GPR161: variants seen among roughly 807,000 people sequenced by gnomAD.
GPR161 encodes G-protein coupled receptor RE2.
Under a neutral mutation model 39.2 loss-of-function variants are expected in GPR161, and 25 were observed. The observed-to-expected ratio is 0.64, with a 90% CI of 0.47 to 0.89. The LOEUF is 0.89. GPR161 is among the 40% of genes least tolerant of loss of function. The pLI is 0.00. For synonymous variants in GPR161, 286 were observed against 276.6 expected (o/e 1.03, Z -0.34); for missense variants, 547 against 677.8 (o/e 0.81, Z 2.14).
chr1:168,107,389 C>A (rs1360336955), intron 1 of GPR161, among the ~76,000 whole-genome samples: 1 of 152,130 alleles, frequency 6.6e-6, no homozygotes, highest in Non-Finnish European at 1.5e-5. Context: ...GCTCTGCTCT[C>A]GTGAATGGAA....
At chr1:168,130,630 C>T (rs1698916211) in intron 1 of GPR161, among the ~76,000 whole-genome samples, 1 of 152,060 alleles carries the variant, frequency 6.6e-6, no homozygotes, top group South Asian at 2.1e-4. Context: ...TATCTGATAC[C>T]TCTTCTCTCT....
chr1:168,091,999 G>T (rs1695110876), intron 3 of GPR161, among the ~76,000 whole-genome samples: 2 of 152,196 alleles, frequency 1.3e-5, no homozygotes, highest in South Asian at 4.1e-4. Context: ...GCAATAGAAT[G>T]CACTTTCTCC....
intron 4 of GPR161, 114 bp downstream of exon 4, chr1:168,090,450 G>A (rs919068935): frequency 4.4e-5 from 25 of 573,020 alleles, no homozygotes; most frequent in Non-Finnish European, 6.3e-5. Flanking sequence ...CCCACCCACC[G>A]TGGGAAATGC....
intron 1 of GPR161, among the ~76,000 whole-genome samples, chr1:168,110,955 C>G (rs1231816879): frequency 6.7e-6 from 1 of 149,356 alleles, no homozygotes; most frequent in Non-Finnish European, 1.5e-5. Context: ...GAACTAGAAA[C>G]CACAATGAAA....
At chr1:168,128,493 C>A (rs1257628913) in intron 1 of GPR161, among the ~76,000 whole-genome samples, 3 of 152,002 alleles carry the variant, frequency 2.0e-5, no homozygotes, top group Non-Finnish European at 4.4e-5. Flanking sequence ...TTGAGAAAAC[C>A]TGCTCTACAC....
chr1:168,094,064 C>T (rs1402625188), intron 3 of GPR161, among the ~76,000 whole-genome samples: 2 of 152,182 alleles, frequency 1.3e-5, no homozygotes, highest in East Asian at 3.8e-4. Flanking sequence ...CACCAGCTGC[C>T]TGGGATGTGC....
intron 1 of GPR161, among the ~76,000 whole-genome samples, chr1:168,105,151 G>A (rs374084510): frequency 1.1e-4 from 17 of 152,318 alleles, no homozygotes; most frequent in African/African-American, 3.1e-4. Flanking sequence ...CCCAAGACCA[G>A]TGGTTCAAAA....
At chr1:168,136,704 C>T in intron 1 of GPR161, 35 bp downstream of exon 1, 2 of 1,058,334 alleles carry the variant, frequency 1.9e-6, no homozygotes, top group Non-Finnish European at 2.3e-6. Context: ...CCTCTCCGCC[C>T]GGGCCCGCGC....
chr1:168,123,201 T>A lies in GPR161; in HGVS notation c.-45+13538A>T, dbSNP rs1192465439. ...TGACTCATGCCTATAATCCCAACAC[T>A]TTGGGAGGCCAAGGCAGGAAAATTG... On this transcript the variant is annotated intron_variant, in intron 1 of 5. Transcript: ENST00000682931. 2.0e-5 allele frequency among the ~76,000 whole-genome samples: 3 copies of A among 152,146 alleles called. No individual in the cohort carries two copies. The East Asian group carries it at 5.8e-4, about 29-fold the overall frequency.
At chr1:168,136,619 C>G (rs1699398101) in intron 1 of GPR161, 120 bp downstream of exon 1, 4 of 1,225,768 alleles carry the variant, frequency 3.3e-6, no homozygotes, top group East Asian at 3.2e-5. Flanking sequence ...GCCGTGGGGG[C>G]GGGGACCCTT....
chr1:168,136,015 A>G (rs746167079), intron 1 of GPR161: 15 of 1,228,352 alleles, frequency 1.2e-5, no homozygotes, highest in Non-Finnish European at 1.5e-5. Context: ...CTTACCCAAC[A>G]GACGTTCTCA....
chr1:168,080,496 T>G lies in GPR161; in HGVS notation c.*5035A>C, dbSNP rs1322305890. On this transcript the variant is annotated 3_prime_UTR_variant, in exon 6 of 6. Transcript: ENST00000682931. ...ATATGGCTAATCACAGCCATTCTCCTTTGCCTACAGTGAAGACGGTAATTT... is the reference window on the plus strand; with the variant it reads ...ATATGGCTAATCACAGCCATTCTCCGTTGCCTACAGTGAAGACGGTAATTT... 1 of 152,298 alleles carries G rather than the reference T, an allele frequency of 6.6e-6. No individual in the cohort carries two copies. Among genetic ancestry groups the G allele is most frequent in the Non-Finnish European group, 1.5e-5 (1 of 68,114 alleles). The allele number at this position is 152,298 out of a possible 1,614,324, so 9.4% of individuals were successfully genotyped here.
At chr1:168,114,240 T>C (rs1697443415) in intron 1 of GPR161, among the ~76,000 whole-genome samples, 2 of 152,296 alleles carry the variant, frequency 1.3e-5, no homozygotes, top group African/African-American at 2.4e-5. Flanking sequence ...CCTGATCATA[T>C]TGCTGTTGCT....
intron 1 of GPR161, among the ~76,000 whole-genome samples, chr1:168,105,130 CTA>C (rs1363207984): frequency 6.6e-6 from 1 of 152,156 alleles, no homozygotes; most frequent in African/African-American, 2.4e-5. Flanking sequence ...CTAACCCATC[CTA>C]TCCATTTTCC....
In GPR161 at chr1:168,085,380, G is replaced by A; in HGVS notation, c.*151C>T. The A allele has an allele frequency of 1.5e-6, 1 of 680,282 alleles. No homozygotes were observed. The allele number at this position is 680,282 out of a possible 1,614,324, so 42.1% of individuals were successfully genotyped here. The stretch of plus-strand genomic sequence containing the variant: ...ACTGTAGACATTATTTTCAGTCCTT[G>A]TCCTGGTGGCTGCATACCAGATGCT... On this transcript the variant is annotated 3_prime_UTR_variant, in exon 6 of 6. Coordinates refer to ENST00000682931, the MANE Select transcript of GPR161 (RefSeq NM_001375883.1).
rs1310228062 is a variant in GPR161 at position 168,089,359 on chromosome 1, G to C, written c.1204+1205C>G. 4 of 152,180 alleles carry C rather than the reference G, an allele frequency of 2.6e-5. No individual in the cohort carries two copies. In the East Asian group the frequency reaches 7.7e-4, roughly 29 times the overall value. 9.4% of individuals were successfully genotyped at this position (152,180 alleles called of 1,614,324 possible). The stretch of plus-strand genomic sequence containing the variant: ...CAGTGCTTCATATATGACTCCGTGT[G>C]GTGCGGGGCCCTCTGGGTTGCCAGA... On this transcript the variant is annotated intron_variant, in intron 4 of 5. Transcript: ENST00000682931.
At chr1:168,117,108 T>C (rs1697696095) in intron 1 of GPR161, among the ~76,000 whole-genome samples, 1 of 152,068 alleles carries the variant, frequency 6.6e-6, no homozygotes, top group Non-Finnish European at 1.5e-5. Context: ...ACTGCAACCC[T>C]CTCCACAAGG....
chr1:168,126,881 C>G (rs937969872), intron 1 of GPR161, among the ~76,000 whole-genome samples: 39 of 152,142 alleles, frequency 2.6e-4, no homozygotes, highest in Non-Finnish European at 1.2e-4. Context: ...TTTATATTTC[C>G]CCTACACTAA....
At chr1:168,090,467 G>A (rs558594115) in intron 4 of GPR161, 97 bp downstream of exon 4, 21 of 624,496 alleles carry the variant, frequency 3.4e-5, no homozygotes, top group Non-Finnish European at 5.4e-5. Flanking sequence ...ATGCCCCTCC[G>A]CCAGCTCTTG....
Sources: allele counts gnomAD v4.1 joint callset (sites outside exome capture counted in the v4.1 genomes callset), GRCh38; gene constraint gnomAD v4.1.1; transcripts MANE v1.5; gene names NCBI Gene and HGNC (gene_info 2026-07-23, HGNC 2026-07-21).